The following CSMD1 variants were observed in gnomAD, a reference collection of about 807,000 sequenced individuals.
The protein encoded by CSMD1 is CUB and sushi domain-containing protein 1.
In CSMD1, 213 loss-of-function variants were observed where a neutral mutation model predicts 417.5. The observed-to-expected ratio is 0.51, with a 90% CI of 0.46 to 0.57. The LOEUF (loss-of-function observed/expected upper bound fraction) is 0.57, where lower values mean the gene tolerates loss of function less well. Ranked by LOEUF, CSMD1 falls within the 20% of genes least tolerant of loss-of-function variation. The pLI is 0.00. For missense variants in CSMD1, 6,923 were observed against 4,529.7 expected, an observed-to-expected ratio of 1.53 and a Z score of -15.17; for synonymous variants, 2,862 against 1,736.8, an observed-to-expected ratio of 1.65 and a Z score of -16.11.
At chr8:4,139,917 A>C (rs1007670209) in intron 3 of CSMD1, among the ~76,000 whole-genome samples, 1 of 150,924 alleles carries the variant, frequency 6.6e-6, no homozygotes, top group Admixed American at 6.6e-5. Flanking sequence ...CCTCATCTTC[A>C]GAGGATGGAT....
intron 41 of CSMD1, among the ~76,000 whole-genome samples, chr8:3,131,179 G>A (rs1817773064): frequency 6.6e-6 from 1 of 152,012 alleles, no homozygotes; most frequent in African/African-American, 2.4e-5. Flanking sequence ...CAAAATTTGT[G>A]GCTTAACATT....
intron 17 of CSMD1, among the ~76,000 whole-genome samples, chr8:3,394,993 G>A (rs1410569831): frequency 1.3e-5 from 2 of 152,046 alleles, no homozygotes; most frequent in Non-Finnish European, 2.9e-5. Context: ...ACTTATATGA[G>A]TATGTAAAAC....
chr8:4,322,805 G>C (rs1384894665), intron 3 of CSMD1, among the ~76,000 whole-genome samples: 1 of 152,146 alleles, frequency 6.6e-6, no homozygotes, highest in Non-Finnish European at 1.5e-5. Context: ...GACCAGCCTG[G>C]CCAACATGGT....
intron 3 of CSMD1, among the ~76,000 whole-genome samples, chr8:4,125,253 T>C (rs1440627179): frequency 6.6e-6 from 1 of 152,202 alleles, no homozygotes; most frequent in East Asian, 1.9e-4. Context: ...TCCCATTCTA[T>C]TCGAAGTCAC....
intron 3 of CSMD1, among the ~76,000 whole-genome samples, chr8:4,042,389 T>A (rs140387172): frequency 6.6e-6 from 1 of 152,132 alleles, no homozygotes; most frequent in Non-Finnish European, 1.5e-5. Context: ...CAGCAACTTA[T>A]AGGAAGTACT....
At position 4,994,523 on chromosome 8, in the gene CSMD1, A is replaced by G; in HGVS notation, c.-107T>C. On this transcript the variant is annotated 5_prime_UTR_variant, in exon 1 of 70. Transcript: ENST00000635120. ...CGAGGGCAAGGCGAGCCGGAGAGAG[A>G]GCCCGGTCCCAAGACCCGCCGCGCA... The G allele has an allele frequency of 9.5e-7, 1 of 1,055,344 alleles. No homozygotes were observed. 65.4% of individuals were successfully genotyped at this position (1,055,344 alleles called of 1,614,324 possible).
chr8:3,037,312 T>C (rs527496898), intron 50 of CSMD1, among the ~76,000 whole-genome samples: 2 of 118,688 alleles, frequency 1.7e-5, no homozygotes, highest in African/African-American at 5.7e-5. Context: ...TTCACGCCAT[T>C]CTCCTGCCTC....
intron 40 of CSMD1, among the ~76,000 whole-genome samples, chr8:3,145,940 T>C (rs1000061873): frequency 4.6e-5 from 7 of 152,218 alleles, no homozygotes; most frequent in Non-Finnish European, 8.8e-5. Context: ...GACAAAACTT[T>C]GAATAGTAAT....
intron 1 of CSMD1, among the ~76,000 whole-genome samples, chr8:4,756,432 T>A (rs1048803010): frequency 2.0e-5 from 3 of 152,166 alleles, no homozygotes; most frequent in Admixed American, 2.0e-4. Context: ...ATCATGACAG[T>A]CCAGTTTCCT....
At position 3,890,029 on chromosome 8, in the gene CSMD1, AT is replaced by A. The variant is rs1806850209; in HGVS notation, c.818+107873del. On this transcript the variant is annotated intron_variant, in intron 5 of 69. Coordinates refer to ENST00000635120, the MANE Select transcript of CSMD1 (RefSeq NM_033225.6). ...AGATCCCTTCTCAAAAAATATAAAC[AT>A]TTTTTTAAAAAAGTTTCTGAATCCC... Among the ~76,000 whole-genome samples, 8 of 152,126 alleles carry A rather than the reference AT, an allele frequency of 5.3e-5. No individual in the cohort carries two copies. The South Asian group carries it at 1.5e-3, about 28-fold the overall frequency.
chr8:3,574,685 A>G (rs571219363), intron 10 of CSMD1, among the ~76,000 whole-genome samples: 8 of 152,354 alleles, frequency 5.3e-5, no homozygotes, highest in African/African-American at 1.7e-4. Flanking sequence ...AAGAGAAAGC[A>G]CTATGATACA....
chr8:3,799,612 A>G (rs1321532529), intron 5 of CSMD1, among the ~76,000 whole-genome samples: 1 of 151,996 alleles, frequency 6.6e-6, no homozygotes, highest in Non-Finnish European at 1.5e-5. Flanking sequence ...CAGTAAAGAA[A>G]GACCCCATTT....
intron 41 of CSMD1, among the ~76,000 whole-genome samples, chr8:3,123,709 C>T (rs554108353): frequency 1.3e-3 from 198 of 152,270 alleles, no homozygotes; most frequent in African/African-American, 4.1e-3. Context: ...ATTTCATCCA[C>T]GAATTAGCAG....
intron 10 of CSMD1, among the ~76,000 whole-genome samples, chr8:3,562,695 TG>T (rs1402810913): frequency 6.6e-6 from 1 of 151,506 alleles, no homozygotes; most frequent in Non-Finnish European, 1.5e-5. Context: ...TAGTTAATAA[TG>T]AAAAAAAATC....
intron 1 of CSMD1, among the ~76,000 whole-genome samples, chr8:4,657,281 A>C (rs1804291565): frequency 6.6e-6 from 1 of 152,200 alleles, no homozygotes; most frequent in Non-Finnish European, 1.5e-5. Flanking sequence ...GAGTTGTAAA[A>C]AGCCTGGCGA....
intron 3 of CSMD1, among the ~76,000 whole-genome samples, chr8:4,361,858 G>C (rs561347190): frequency 6.6e-6 from 1 of 152,230 alleles, no homozygotes; most frequent in South Asian, 2.1e-4. Context: ...GGGAGGCTAA[G>C]GCAGAAGAAT....
chr8:4,288,927 A>G (rs537367079), intron 3 of CSMD1, among the ~76,000 whole-genome samples: 2 of 152,300 alleles, frequency 1.3e-5, no homozygotes, highest in Middle Eastern at 6.8e-3. Flanking sequence ...TCCATATATA[A>G]CATTAAATTA....
At chr8:3,990,047 T>G (rs923464265) in intron 5 of CSMD1, among the ~76,000 whole-genome samples, 3 of 152,196 alleles carry the variant, frequency 2.0e-5, no homozygotes, top group African/African-American at 7.2e-5. Context: ...TTAAGCAGCA[T>G]TATTTGAGAA....
intron 26 of CSMD1, among the ~76,000 whole-genome samples, chr8:3,242,815 TAAGGGGTTGGGGC>T (rs1799631818): frequency 2.8e-5 from 1 of 35,996 alleles, no homozygotes; most frequent in Non-Finnish European, 7.3e-5. Flanking sequence ...GGCGCAGAAA[TAAGGGGTTGGGGC>T]GCAGATATAA....
Sources: gnomAD v4.1 joint callset for allele counts (sites outside exome capture counted in the v4.1 genomes callset) on GRCh38, gnomAD v4.1.1 for gene constraint, MANE v1.5 for transcripts, NCBI Gene and HGNC (gene_info 2026-07-23, HGNC 2026-07-21) for gene names.